The following PLCG1 variants were observed in gnomAD, a reference collection of about 807,000 sequenced individuals.
The protein encoded by PLCG1 is phospholipase C gamma 1, also known as 1-phosphatidylinositol 4,5-bisphosphate phosphodiesterase gamma-1.
PLCG1 carries 71 observed loss-of-function variants against 177.8 expected under a neutral mutation model. That is an observed-to-expected ratio of 0.40 (90% CI 0.33 to 0.49). The LOEUF is 0.49. Among genes scored for constraint, PLCG1 ranks in the 20% least tolerant of loss-of-function variants. The pLI is 0.72. For missense variants in PLCG1, 1,281 were observed against 1,709.0 expected (o/e 0.75, Z 4.42); for synonymous variants, 658 against 647.9 (o/e 1.02, Z -0.24).
At chr20:41,140,815 T>C (rs1029475295) in intron 1 of PLCG1, among the ~76,000 whole-genome samples, 2 of 152,216 alleles carry the variant, frequency 1.3e-5, no homozygotes, top group Non-Finnish European at 2.9e-5. Context: ...CTGAGTGCTA[T>C]TGAGACCTTT....
rs752191654 is a variant in PLCG1 at position 41,150,016 on chromosome 20, A to G, written c.218-9590A>G. On this transcript the variant is annotated intron_variant, in intron 1 of 31. Transcript: ENST00000685551. The surrounding 1 kb of genome is among the most constrained non-coding windows in gnomAD (Gnocchi z 4.0). ...CAAGAACAGCCTGGGCAACATGGCA[A>G]AACACCATCTCTGCAAAAAATATAA... Among the ~76,000 whole-genome samples the G allele has an allele frequency of 4.6e-5, 7 of 152,140 alleles. No homozygotes were observed. Among genetic ancestry groups the G allele is most frequent in the Non-Finnish European group, 8.8e-5 (6 of 68,022 alleles).
In PLCG1 at chr20:41,157,186, A is replaced by C. The variant is rs1253472421; in HGVS notation, c.218-2420A>C. ...TGATCTCAATGGAAATATGTGCAGG[A>C]GTGCAGGCCTGTTGACTCTGTGTGT... On this transcript the variant is annotated intron_variant, in intron 1 of 31. Coordinates refer to ENST00000685551, the MANE Select transcript of PLCG1 (RefSeq NM_002660.3). This position sits in a 1 kb window ranked among gnomAD's most constrained non-coding sequence, Gnocchi z 5.4. Among the ~76,000 whole-genome samples the C allele has an allele frequency of 1.4e-5, 2 of 139,070 alleles. No homozygotes were observed. The highest frequency in any genetic ancestry group is 6.0e-5 in the African/African-American group (2 of 33,496). 91.2% of individuals were successfully genotyped at this position (139,070 alleles called of 152,430 possible). A position where few individuals can be genotyped will look rare whatever the true frequency, so the allele number is the denominator to read the frequency against.
intron 22 of PLCG1, 45 bp from the exon 23 acceptor site, chr20:41,169,410 CAT>C (rs1568754499): frequency 7.1e-7 from 1 of 1,404,820 alleles, no homozygotes; most frequent in Non-Finnish European, 1.0e-6. Flanking sequence ...CCCTCACACA[CAT>C]ATGCAGTAGC....
At chr20:41,154,235 T>TGG (rs548043264) in intron 1 of PLCG1, among the ~76,000 whole-genome samples, 1 of 152,220 alleles carries the variant, frequency 6.6e-6, no homozygotes, top group Non-Finnish European at 1.5e-5. Flanking sequence ...CTTATAAATT[T>TGG]GGGGGACCTC....
At chr20:41,141,416 A>G (rs1444425200) in intron 1 of PLCG1, among the ~76,000 whole-genome samples, 1 of 152,370 alleles carries the variant, frequency 6.6e-6, no homozygotes, top group East Asian at 1.9e-4. Context: ...AACTGCCTTG[A>G]TGAGGCAGGC....
rs1421642792 is a variant in PLCG1 at position 41,174,278 on chromosome 20, A to G, written c.3800A>G (p.His1267Arg). 7 of 1,614,196 alleles carry G rather than the reference A, an allele frequency of 4.3e-6. No individual in the cohort carries two copies. The highest frequency in any genetic ancestry group is 4.0e-5 in the African/African-American group (3 of 75,058). Residue 1267 changes from histidine (H) to arginine (R), a missense_variant, in exon 31 of 32, where the codon CAT (histidine) becomes CGT (arginine). His to Arg is a conservative substitution (Grantham distance 29). Transcript: ENST00000685551. This position sits in a 1 kb window ranked among gnomAD's most constrained non-coding sequence, Gnocchi z 5.8. Reference sequence around the variant, plus strand: ...GAGGACTTCCGCATCTCCCAGGAGCATCTCGCAGACCATTTTGACAGTCGA... The same window carrying G: ...GAGGACTTCCGCATCTCCCAGGAGCGTCTCGCAGACCATTTTGACAGTCGA... ...PFEDFRISQE[H>R]LADHFDSRER...
chr20:41,162,901 C>T (rs1332740265), intron 6 of PLCG1, 57 bp from the exon 7 acceptor site: 1 of 1,537,852 alleles, frequency 6.5e-7, no homozygotes, highest in African/African-American at 1.4e-5. Context: ...TCTTACTAGC[C>T]CATTTCCCAC....
In PLCG1 at chr20:41,156,975, G is replaced by A. The variant is rs2035340505; in HGVS notation, c.218-2631G>A. Among the ~76,000 whole-genome samples, 1 of 152,214 alleles carries A rather than the reference G, an allele frequency of 6.6e-6. No individual in the cohort carries two copies. Among genetic ancestry groups the A allele is most frequent in the African/African-American group, 2.4e-5 (1 of 41,452 alleles). On this transcript the variant is annotated intron_variant, in intron 1 of 31. Transcript: ENST00000685551. This position sits in a 1 kb window ranked among gnomAD's most constrained non-coding sequence, Gnocchi z 5.0. ...AGGGTGAGGTTGGGAGGTAGCACAG[G>A]ATGTGGCTTTCAAGAACCTAGTAGA...
Position 41,173,870 on chromosome 20 carries a change from G to A in PLCG1, c.3557-53G>A, listed in dbSNP as rs1271751114. 5 of 1,609,624 alleles carry A rather than the reference G, an allele frequency of 3.1e-6. No homozygotes were observed. The African/African-American group carries it at 6.7e-5, about 21-fold the overall frequency. On this transcript the variant is annotated intron_variant, in intron 29 of 31. Transcript: ENST00000685551. This position sits in a 1 kb window ranked among gnomAD's most constrained non-coding sequence, Gnocchi z 6.2. ...CAATCTTGCTGGCAGGGTGGGGCTGGGCCCCTTGCTCTGTCCCTCGTGGGC... is the reference window on the plus strand; with the variant it reads ...CAATCTTGCTGGCAGGGTGGGGCTGAGCCCCTTGCTCTGTCCCTCGTGGGC...
In PLCG1 at chr20:41,146,208, G is replaced by T. The variant is rs1168041091; in HGVS notation, c.217+8350G>T. Among the ~76,000 whole-genome samples the T allele has an allele frequency of 3.3e-5, 5 of 152,208 alleles. No homozygotes were observed. The highest frequency in any genetic ancestry group is 7.3e-5 in the Non-Finnish European group (5 of 68,040). On this transcript the variant is annotated intron_variant, in intron 1 of 31. Transcript: ENST00000685551. This position sits in a 1 kb window ranked among gnomAD's most constrained non-coding sequence, Gnocchi z 6.3. ...CTGAGCCCAGGCCTGGCACAGAGGAGGCTGGAGTTAGGAAGCAAGAAAACG... is the reference window on the plus strand; with the variant it reads ...CTGAGCCCAGGCCTGGCACAGAGGATGCTGGAGTTAGGAAGCAAGAAAACG...
chr20:41,154,743 G>T (rs1460205440), intron 1 of PLCG1, among the ~76,000 whole-genome samples: 2 of 152,196 alleles, frequency 1.3e-5, no homozygotes, highest in East Asian at 1.9e-4. Flanking sequence ...CTGGCTGCCC[G>T]CCATATAGCT....
intron 1 of PLCG1, among the ~76,000 whole-genome samples, chr20:41,143,831 T>C (rs950227694): frequency 6.6e-6 from 1 of 152,232 alleles, no homozygotes; most frequent in Non-Finnish European, 1.5e-5. Context: ...GGAGATTATA[T>C]ATAAGAGTAA....
Position 41,159,559 on chromosome 20 carries a change from C to A in PLCG1, c.218-47C>A, listed in dbSNP as rs779009724. On this transcript the variant is annotated intron_variant, in intron 1 of 31. Coordinates refer to ENST00000685551, the MANE Select transcript of PLCG1 (RefSeq NM_002660.3). This position sits in a 1 kb window ranked among gnomAD's most constrained non-coding sequence, Gnocchi z 6.0. ...CAGGCTGCCCTCCTTTCGGTGTTGA[C>A]TCTGGGAGACCCCAGCTTGATCTTG... 1.4e-5 allele frequency: 22 copies of A among 1,601,534 alleles called. No homozygotes were observed. The highest frequency in any genetic ancestry group is 1.9e-5 in the Non-Finnish European group (22 of 1,172,922).
rs1448184085 is a variant in PLCG1 at position 41,174,468 on chromosome 20, G to A, written c.3835G>A (p.Ala1279Thr). ...AGGACACTCTTCCCTTCTGTCCAGG[G>A]CCCCAAGAAGGACTCGGGTCAATGG... The part of the protein sequence containing the change: ...ADHFDSRERR[A>T]PRRTRVNGDN... The change falls in exon 32 of 32, where the codon GCC becomes ACC. Residue 1279 changes from alanine (A) to threonine (T), a missense_variant and splice_region_variant. Coordinates refer to ENST00000685551, the MANE Select transcript of PLCG1 (RefSeq NM_002660.3). This position sits in a 1 kb window ranked among gnomAD's most constrained non-coding sequence, Gnocchi z 5.8. The A allele has an allele frequency of 1.3e-6, 2 of 1,589,280 alleles. No individual in the cohort carries two copies. Among genetic ancestry groups the A allele is most frequent in the South Asian group, 2.3e-5 (2 of 88,050 alleles).
intron 1 of PLCG1, among the ~76,000 whole-genome samples, chr20:41,155,653 T>A (rs2035297794): frequency 1.3e-5 from 2 of 152,330 alleles, no homozygotes; most frequent in South Asian, 2.1e-4. Flanking sequence ...GGATCATCTT[T>A]ATTTCACCCA....
chr20:41,167,994 C>T lies in PLCG1; in HGVS notation c.2379+65C>T, dbSNP rs2035759831. The stretch of plus-strand genomic sequence containing the variant: ...TCCCCAGCTGCTTGGGGCTTCATTT[C>T]TGTGTTCTGGGCCATCTGTGGTCTT... On this transcript the variant is annotated intron_variant, in intron 20 of 31. Coordinates refer to ENST00000685551, the MANE Select transcript of PLCG1 (RefSeq NM_002660.3). This position sits in a 1 kb window ranked among gnomAD's most constrained non-coding sequence, Gnocchi z 4.4. 1.1e-5 allele frequency: 12 copies of T among 1,100,496 alleles called. No individual in the cohort carries two copies. The highest frequency in any genetic ancestry group is 2.5e-5 in the South Asian group (2 of 79,802). 68.2% of individuals were successfully genotyped at this position (1,100,496 alleles called of 1,614,324 possible).
chr20:41,141,749 G>GC lies in PLCG1; in HGVS notation c.217+3898dup, dbSNP rs527458307. The stretch of plus-strand genomic sequence containing the variant: ...CTTGCCCCGATGTGTGGGTTTCCAG[G>GC]CCCCCCCGCCCAGCTGGGATCCTCT... On this transcript the variant is annotated intron_variant, in intron 1 of 31. Transcript: ENST00000685551. 2.5e-3 allele frequency among the ~76,000 whole-genome samples: 386 copies of GC among 152,190 alleles called. 1 individual carries two copies. The highest frequency in any genetic ancestry group is 8.8e-3 in the African/African-American group (364 of 41,542).
In PLCG1 at chr20:41,159,939, C is replaced by T. The variant is rs772859867; in HGVS notation, c.440C>T (p.Ala147Val). ...LTWLMEDTLQAPTPLQIERWL... is the reference protein window; with the variant it reads ...LTWLMEDTLQVPTPLQIERWL... ...TGGCTGATGGAGGATACATTGCAGG[C>T]ACCCACACCCCTGCAGATTGAGAGG... The change falls in exon 3 of 32, where the codon GCA becomes GTA. Residue 147 changes from alanine to valine, a missense_variant. Ala to Val is a moderately conservative substitution (Grantham distance 64, BLOSUM62 0). Coordinates refer to ENST00000685551, the MANE Select transcript of PLCG1 (RefSeq NM_002660.3). This position sits in a 1 kb window ranked among gnomAD's most constrained non-coding sequence, Gnocchi z 6.0. 3 of 1,613,546 alleles carry T rather than the reference C, an allele frequency of 1.9e-6. No individual in the cohort carries two copies. Among genetic ancestry groups the T allele is most frequent in the African/African-American group, 1.3e-5 (1 of 75,016 alleles).
intron 5 of PLCG1, 27 bp from the exon 6 acceptor site, chr20:41,162,615 C>G (rs1403809955): frequency 3.1e-6 from 5 of 1,610,894 alleles, no homozygotes; most frequent in Admixed American, 1.7e-5. Context: ...GACTGCCTGA[C>G]TGGCACTCCT....
Sources: allele counts gnomAD v4.1 joint callset (sites outside exome capture counted in the v4.1 genomes callset), GRCh38; gene constraint gnomAD v4.1.1; non-coding constraint Gnocchi (gnomAD v3.1); transcripts MANE v1.5; gene names NCBI Gene and HGNC (gene_info 2026-07-23, HGNC 2026-07-21).